Variants in HS6ST3 observed in about 807,000 individuals in gnomAD.
The protein encoded by HS6ST3 is heparan-sulfate 6-O-sulfotransferase 3.
In HS6ST3, 12 loss-of-function variants were observed where a neutral mutation model predicts 36.7. The observed-to-expected ratio is 0.33, with a 90% CI of 0.21 to 0.53. The LOEUF (loss-of-function observed/expected upper bound fraction) is 0.53. HS6ST3 is among the 20% of genes least tolerant of loss of function. The pLI is 0.95. For missense variants in HS6ST3, 584 were observed against 640.9 expected, an observed-to-expected ratio of 0.91 and a Z score of 0.96; for synonymous variants, 240 against 257.5, an observed-to-expected ratio of 0.93 and a Z score of 0.65.
intron 1 of HS6ST3, among the ~76,000 whole-genome samples, chr13:96,529,685 T>C (rs2056128007): frequency 6.6e-6 from 1 of 152,208 alleles, no homozygotes. Flanking sequence ...TGTGCCATAA[T>C]TCATTTATGA....
intron 1 of HS6ST3, among the ~76,000 whole-genome samples, chr13:96,585,372 A>C (rs1403474321): frequency 6.6e-6 from 1 of 152,212 alleles, no homozygotes; most frequent in Non-Finnish European, 1.5e-5. Context: ...GAAAAATTAT[A>C]TGCATTTACT....
In HS6ST3 at chr13:96,680,150, ATC is replaced by A. The variant is rs531295307; in HGVS notation, c.708-152332_708-152331del. On this transcript the variant is annotated intron_variant, in intron 1 of 1. Transcript: ENST00000376705. ...TGAAAGACCTTAAGCCCATCCCAGC[ATC>A]TCTCTCTGGGGGACAACTGACACAA... is the stretch of plus-strand genomic sequence containing the variant. 3.2e-4 allele frequency among the ~76,000 whole-genome samples: 48 copies of A among 152,188 alleles called. 1 individual carries two copies. The South Asian group carries it at 9.2e-3, about 29-fold the overall frequency.
At position 96,594,528 on chromosome 13, in the gene HS6ST3, G is replaced by C. The variant is rs76892019; in HGVS notation, c.708-237962G>C. Among the ~76,000 whole-genome samples, 1,018 of 152,032 alleles carry C rather than the reference G, an allele frequency of 6.7e-3. 14 individuals carry two copies. Among genetic ancestry groups the C allele is most frequent in the African/African-American group, 0.024 (978 of 41,466 alleles). ...TGAGACTTAGAAAATATATCTTGTA[G>C]CTATAAAAGATTATTCTAAACTGAT... On this transcript the variant is annotated intron_variant, in intron 1 of 1. Coordinates refer to ENST00000376705, the MANE Select transcript of HS6ST3 (RefSeq NM_153456.4).
chr13:96,168,692 C>CA (rs60119696), intron 1 of HS6ST3, among the ~76,000 whole-genome samples: 128,391 of 142,264 alleles, frequency 0.9, 57,852 homozygotes, highest in African/African-American at 0.92. Flanking sequence ...AGAGTGAGAC[C>CA]AAAAAAAAAA....
In HS6ST3 at chr13:96,360,941, G is replaced by A. The variant is rs531207547; in HGVS notation, c.707+269372G>A. Among the ~76,000 whole-genome samples, 7 of 96,146 alleles carry A rather than the reference G, an allele frequency of 7.3e-5. No individual in the cohort carries two copies. The East Asian group carries it at 1.9e-3, about 26-fold the overall frequency. The allele number at this position is 96,146 out of a possible 152,430, so 63.1% of individuals were successfully genotyped here. ...AGCCTGGACGACAGAGCAAGACCCTGTCCCAAAAAAAAAAAAAAAAAATGC... is the reference window on the plus strand; with the variant it reads ...AGCCTGGACGACAGAGCAAGACCCTATCCCAAAAAAAAAAAAAAAAAATGC... On this transcript the variant is annotated intron_variant, in intron 1 of 1. Transcript: ENST00000376705.
intron 1 of HS6ST3, among the ~76,000 whole-genome samples, chr13:96,602,006 C>A (rs895315723): frequency 3.9e-5 from 6 of 152,134 alleles, no homozygotes; most frequent in African/African-American, 1.4e-4. Flanking sequence ...GAAGTATATT[C>A]ATTCAATAGT....
chr13:96,519,656 T>C (rs1408283067), intron 1 of HS6ST3, among the ~76,000 whole-genome samples: 1 of 152,224 alleles, frequency 6.6e-6, no homozygotes, highest in African/African-American at 2.4e-5. Flanking sequence ...GGCAGTATGG[T>C]GCACAAACTT....
At chr13:96,609,025 A>G (rs2056448445) in intron 1 of HS6ST3, among the ~76,000 whole-genome samples, 1 of 152,104 alleles carries the variant, frequency 6.6e-6, no homozygotes, top group African/African-American at 2.4e-5. Flanking sequence ...GTTGGAGTGC[A>G]GTGGCACGAT....
chr13:96,287,569 A>G (rs1057393926), intron 1 of HS6ST3, among the ~76,000 whole-genome samples: 2 of 152,118 alleles, frequency 1.3e-5, no homozygotes, highest in African/African-American at 4.8e-5. Flanking sequence ...TTTTCTTTTC[A>G]TGGAATTTAT....
chr13:96,335,103 G>A (rs1262043167), intron 1 of HS6ST3, among the ~76,000 whole-genome samples: 2 of 152,112 alleles, frequency 1.3e-5, no homozygotes, highest in Admixed American at 1.3e-4. Flanking sequence ...GTTGACATGA[G>A]GAGGGTGTTT....
intron 1 of HS6ST3, among the ~76,000 whole-genome samples, chr13:96,194,321 C>T (rs2054302135): frequency 1.8e-5 from 1 of 56,006 alleles, no homozygotes; most frequent in Non-Finnish European, 3.6e-5. Flanking sequence ...AGATATTTAG[C>T]TCTGGCCTCT....
intron 1 of HS6ST3, among the ~76,000 whole-genome samples, chr13:96,575,027 G>T (rs1014323353): frequency 6.6e-6 from 1 of 152,152 alleles, no homozygotes; most frequent in Admixed American, 6.5e-5. Context: ...TACATAAGTG[G>T]ATGCCACATC....
intron 1 of HS6ST3, among the ~76,000 whole-genome samples, chr13:96,413,624 T>C (rs1411907647): frequency 6.6e-6 from 1 of 152,228 alleles, no homozygotes; most frequent in Non-Finnish European, 1.5e-5. Context: ...ACATGTTTTG[T>C]TTTACTTGCC....
chr13:96,577,830 G>A (rs2056327451), intron 1 of HS6ST3, among the ~76,000 whole-genome samples: 1 of 152,182 alleles, frequency 6.6e-6, no homozygotes. Context: ...TCATTAAAAA[G>A]TCAGGAAACA....
intron 1 of HS6ST3, among the ~76,000 whole-genome samples, chr13:96,773,489 G>C (rs117799964): frequency 3.3e-5 from 5 of 151,888 alleles, no homozygotes; most frequent in African/African-American, 1.2e-4. Flanking sequence ...AGCTTGGTCC[G>C]GGGAGAGGCA....
chr13:96,514,683 C>T (rs2138922436), intron 1 of HS6ST3, among the ~76,000 whole-genome samples: 1 of 152,292 alleles, frequency 6.6e-6, no homozygotes, highest in South Asian at 2.1e-4. Context: ...TTCCAACCTC[C>T]AGAACTGTGA....
At chr13:96,518,804 T>G (rs1211057432) in intron 1 of HS6ST3, among the ~76,000 whole-genome samples, 2 of 152,228 alleles carry the variant, frequency 1.3e-5, no homozygotes, top group Non-Finnish European at 2.9e-5. Context: ...TTGTAACTTC[T>G]AATTTATTAG....
intron 1 of HS6ST3, among the ~76,000 whole-genome samples, chr13:96,428,026 T>TTACATAA (rs2055595972): frequency 6.6e-6 from 1 of 152,104 alleles, no homozygotes; most frequent in African/African-American, 2.4e-5. Context: ...GTGGGGTTCT[T>TTACATAA]TACATAATTA....
At chr13:96,171,424 T>C (rs908351275) in intron 1 of HS6ST3, among the ~76,000 whole-genome samples, 1 of 152,154 alleles carries the variant, frequency 6.6e-6, no homozygotes, top group Non-Finnish European at 1.5e-5. Context: ...CTCCCAGAGT[T>C]TCCTTTGCAG....
Sources: allele counts gnomAD v4.1 joint callset (sites outside exome capture counted in the v4.1 genomes callset), GRCh38; gene constraint gnomAD v4.1.1; transcripts MANE v1.5; gene names NCBI Gene and HGNC (gene_info 2026-07-23, HGNC 2026-07-21).